Variants in MEIKIN observed in about 807,000 individuals in gnomAD.
MEIKIN encodes meiotic kinetochore factor.
chr5:131,915,704 A>C (rs546826950), intron 7 of MEIKIN, among the ~76,000 whole-genome samples: 1 of 152,330 alleles, frequency 6.6e-6, no homozygotes, highest in South Asian at 2.1e-4. Flanking sequence ...TTCTAACCAG[A>C]AGTAAATGGA....
intron 11 of MEIKIN, among the ~76,000 whole-genome samples, chr5:131,846,478 T>C (rs974338014): frequency 9.9e-5 from 15 of 152,250 alleles, no homozygotes; most frequent in Non-Finnish European, 2.1e-4. Context: ...TAAGAGCTAG[T>C]ATTATTGTAA....
chr5:131,870,700 T>C (rs542355586), intron 9 of MEIKIN, among the ~76,000 whole-genome samples: 2 of 152,258 alleles, frequency 1.3e-5, no homozygotes, highest in South Asian at 4.1e-4. Context: ...TATTCCTTCA[T>C]CATTTGTATC....
rs115673798 is a variant in MEIKIN, at chr5:131,846,208, C to G, written c.975+5056G>C. 5.1e-3 allele frequency among the ~76,000 whole-genome samples: 783 copies of G among 152,300 alleles called. 4 individuals carry two copies. The highest frequency in any genetic ancestry group is 0.017 in the African/African-American group (718 of 41,556). Reference sequence around the variant, plus strand: ...TTCAAAAATGAGGGAGAAATTAAGACATTCCCAGATAAACAAAGCTGAGGG... The same window carrying G: ...TTCAAAAATGAGGGAGAAATTAAGAGATTCCCAGATAAACAAAGCTGAGGG... On this transcript the variant is annotated intron_variant, in intron 11 of 12. Coordinates refer to ENST00000442687, the MANE Select transcript of MEIKIN (RefSeq NM_001303622.2).
intron 8 of MEIKIN, among the ~76,000 whole-genome samples, chr5:131,891,761 A>T (rs1750924306): frequency 6.6e-6 from 1 of 152,160 alleles, no homozygotes; most frequent in African/African-American, 2.4e-5. Flanking sequence ...TGTCATTATG[A>T]TGTCAGCTGG....
chr5:131,812,012 C>T (rs950516457), intron 12 of MEIKIN, among the ~76,000 whole-genome samples: 2 of 152,186 alleles, frequency 1.3e-5, no homozygotes, highest in African/African-American at 4.8e-5. Flanking sequence ...GGAAACACAA[C>T]ATTATCGGCA....
chr5:131,816,398 G>C (rs1308793549), intron 12 of MEIKIN, among the ~76,000 whole-genome samples: 2 of 152,162 alleles, frequency 1.3e-5, no homozygotes, highest in Admixed American at 1.3e-4. Flanking sequence ...TGATAATATA[G>C]GTAGGCCTCA....
chr5:131,823,336 T>C (rs1749553352), intron 11 of MEIKIN, among the ~76,000 whole-genome samples: 1 of 152,134 alleles, frequency 6.6e-6, no homozygotes, highest in Non-Finnish European at 1.5e-5. Flanking sequence ...TTTGCCCTTT[T>C]GAAGATATTT....
At chr5:131,813,643 G>A (rs970017977) in intron 12 of MEIKIN, among the ~76,000 whole-genome samples, 1 of 151,874 alleles carries the variant, frequency 6.6e-6, no homozygotes, top group Non-Finnish European at 1.5e-5. Context: ...TAGCCAGGAC[G>A]GTCTCGATCT....
intron 12 of MEIKIN, among the ~76,000 whole-genome samples, chr5:131,810,016 T>C (rs544518696): frequency 1.6e-4 from 25 of 152,310 alleles, no homozygotes; most frequent in African/African-American, 6.0e-4. Context: ...ATTTTACCAA[T>C]TTTACAGATA....
chr5:131,821,640 T>TC (rs1276852945), intron 11 of MEIKIN, among the ~76,000 whole-genome samples: 3 of 146,280 alleles, frequency 2.1e-5, no homozygotes, highest in African/African-American at 7.7e-5. Context: ...CTTTTTTTTT[T>TC]TTTTTTTTTT....
At chr5:131,854,205 A>C (rs895874066) in intron 10 of MEIKIN, among the ~76,000 whole-genome samples, 1 of 152,226 alleles carries the variant, frequency 6.6e-6, no homozygotes, top group African/African-American at 2.4e-5. Context: ...GATGAATTTG[A>C]AGATGCCATG....
intron 11 of MEIKIN, among the ~76,000 whole-genome samples, chr5:131,822,458 G>C (rs1158201037): frequency 2.6e-5 from 4 of 151,740 alleles, no homozygotes; most frequent in South Asian, 2.1e-4. Context: ...TTGTGTATCT[G>C]TTGTATATTT....
At chr5:131,822,696 A>C (rs927420135) in intron 11 of MEIKIN, among the ~76,000 whole-genome samples, 5 of 152,142 alleles carry the variant, frequency 3.3e-5, no homozygotes, top group African/African-American at 1.2e-4. Flanking sequence ...GTTTCTACTT[A>C]ACTCAAGAGA....
chr5:131,811,713 C>T (rs1772960184), intron 12 of MEIKIN, among the ~76,000 whole-genome samples: 1 of 152,076 alleles, frequency 6.6e-6, no homozygotes, highest in South Asian at 2.1e-4. Flanking sequence ...TTCATGCCAT[C>T]CTCCTGCCTC....
chr5:131,874,853 T>C (rs537330943), intron 9 of MEIKIN, among the ~76,000 whole-genome samples: 6 of 152,282 alleles, frequency 3.9e-5, no homozygotes, highest in Non-Finnish European at 8.8e-5. Flanking sequence ...CGAAAATCAA[T>C]AAATGTAATC....
At chr5:131,825,469 G>A (rs141852200) in intron 11 of MEIKIN, among the ~76,000 whole-genome samples, 121 of 152,242 alleles carry the variant, frequency 7.9e-4, no homozygotes, top group Non-Finnish European at 1.3e-3. Flanking sequence ...GTCCTCCAGT[G>A]GAGTCACATG....
chr5:131,810,762 C>T (rs1388518033), intron 12 of MEIKIN, among the ~76,000 whole-genome samples: 1 of 152,220 alleles, frequency 6.6e-6, no homozygotes, highest in Non-Finnish European at 1.5e-5. Flanking sequence ...CTTACCCACA[C>T]CACCTCCTCT....
chr5:131,809,476 A>G (rs1772911637), intron 12 of MEIKIN, among the ~76,000 whole-genome samples: 2 of 152,310 alleles, frequency 1.3e-5, no homozygotes, highest in Admixed American at 1.3e-4. Context: ...AATGACGCTA[A>G]CCAGTCAGCA....
At chr5:131,940,476 C>T (rs940145791) in intron 4 of MEIKIN, among the ~76,000 whole-genome samples, 15 of 152,116 alleles carry the variant, frequency 9.9e-5, no homozygotes, top group African/African-American at 3.4e-4. Flanking sequence ...CCTCTGGTAT[C>T]TACAGATATT....
Sources: gnomAD v4.1 joint callset for allele counts (sites outside exome capture counted in the v4.1 genomes callset) on GRCh38, gnomAD v4.1.1 for gene constraint, MANE v1.5 for transcripts, NCBI Gene and HGNC (gene_info 2026-07-23, HGNC 2026-07-21) for gene names.